Variants in COL27A1 observed in about 807,000 individuals in gnomAD.
COL27A1 encodes collagen type XXVII alpha 1 chain.
In COL27A1, 106 loss-of-function variants were observed where a neutral mutation model predicts 251.3. The ratio of observed to expected loss-of-function variants is 0.42; its 90% confidence interval spans 0.36 to 0.50. COL27A1 has a LOEUF of 0.50. Among genes scored for constraint, COL27A1 ranks in the 20% least tolerant of loss-of-function variants. The probability of loss-of-function intolerance (pLI) is 0.00; values close to 1 mark genes in which losing one functional copy is unlikely to be tolerated. For synonymous variants in COL27A1, 1,000 were observed against 986.3 expected (o/e 1.01, Z -0.26); for missense variants, 2,325 against 2,522.8 (o/e 0.92, Z 1.68).
intron 56 of COL27A1, 72 bp from the exon 57 acceptor site, chr9:114,304,536 T>C (rs1828890007): frequency 1.4e-6 from 2 of 1,422,804 alleles, no homozygotes; most frequent in African/African-American, 2.8e-5. Flanking sequence ...AATGTGGCCC[T>C]GGGGCTCCCA....
chr9:114,264,245 G>A lies in COL27A1; in HGVS notation c.3196-110G>A, dbSNP rs535819244. ...TGGGAAGTGGGAGGAGGAGGGGGCC[G>A]GAGCTTGTGCAGGGGAAGGCCCCAG... On this transcript the variant is annotated intron_variant, in intron 28 of 60. Transcript: ENST00000356083. 239 of 777,142 alleles carry A rather than the reference G, an allele frequency of 3.1e-4. 1 individual carries two copies. Among genetic ancestry groups the A allele is most frequent in the Non-Finnish European group, 4.4e-4 (230 of 519,266 alleles). 48.1% of individuals were successfully genotyped at this position (777,142 alleles called of 1,614,324 possible). A position where few individuals can be genotyped will look rare whatever the true frequency, so the allele number is the denominator to read the frequency against.
intron 34 of COL27A1, 88 bp downstream of exon 34, chr9:114,267,645 C>A (rs929375858): frequency 1.6e-6 from 2 of 1,243,804 alleles, no homozygotes; most frequent in African/African-American, 1.6e-5. Flanking sequence ...GAGAAATGGG[C>A]CTTTCTTGTG....
At chr9:114,235,525 C>T in intron 16 of COL27A1, 74 bp from the exon 17 acceptor site, 1 of 1,146,680 alleles carries the variant, frequency 8.7e-7, no homozygotes, top group African/African-American at 1.5e-5. Flanking sequence ...TGTACCTCGC[C>T]AGGGGGTCTG....
chr9:114,285,462 C>T (rs1033930750), intron 41 of COL27A1, among the ~76,000 whole-genome samples: 1 of 152,166 alleles, frequency 6.6e-6, no homozygotes, highest in Admixed American at 6.5e-5. Flanking sequence ...GTCCTACCTT[C>T]GTCGCCTGAG....
intron 16 of COL27A1, among the ~76,000 whole-genome samples, chr9:114,234,068 G>T (rs1285444215): frequency 6.6e-6 from 1 of 152,074 alleles, no homozygotes; most frequent in Non-Finnish European, 1.5e-5. Context: ...TCTCAGCCTG[G>T]AGAAGCATTC....
At position 114,183,093 on chromosome 9, in the gene COL27A1, A is replaced by G; in HGVS notation, c.2016+18A>G. 6.2e-7 allele frequency: 1 copy of G among 1,610,502 alleles called. No individual in the cohort carries two copies. The highest frequency in any genetic ancestry group is 1.3e-5 in the African/African-American group (1 of 74,846). On this transcript the variant is annotated intron_variant, in intron 5 of 60. Transcript: ENST00000356083. ...GAGCCAAAGTGAGTATTTGCTGGAG[A>G]TGTGGCCATGGAGTGGGTGCTGGGG...
chr9:114,265,788 G>A (rs1175258771), intron 32 of COL27A1, among the ~76,000 whole-genome samples: 7 of 152,210 alleles, frequency 4.6e-5, no homozygotes, highest in Non-Finnish European at 1.0e-4. Context: ...GAGGGAGGGA[G>A]GTGAAGATAA....
intron 5 of COL27A1, among the ~76,000 whole-genome samples, chr9:114,192,276 G>A (rs1436797345): frequency 1.3e-5 from 2 of 152,172 alleles, no homozygotes; most frequent in African/African-American, 4.8e-5. Context: ...GCTGCAGATC[G>A]AGGTGGGCAC....
intron 2 of COL27A1, among the ~76,000 whole-genome samples, chr9:114,163,218 G>A (rs1442531647): frequency 2.2e-5 from 3 of 134,022 alleles, no homozygotes; most frequent in African/African-American, 8.7e-5. Flanking sequence ...TGGCAAGAGA[G>A]CGAGACTCCG....
At chr9:114,199,456 G>A (rs191410413) in intron 7 of COL27A1, among the ~76,000 whole-genome samples, 25 of 151,518 alleles carry the variant, frequency 1.6e-4, no homozygotes, top group East Asian at 3.9e-4. Context: ...CCTGGCCCCC[G>A]CTGTGTAGAA....
intron 1 of COL27A1, among the ~76,000 whole-genome samples, chr9:114,157,106 A>ACG (rs1554782456): frequency 2.0e-5 from 3 of 147,836 alleles, no homozygotes; most frequent in African/African-American, 5.0e-5. Context: ...ACACACACAT[A>ACG]CGCGCGCGCG....
Position 114,209,711 on chromosome 9 carries a change from G to A in COL27A1, c.2305G>A (p.Gly769Arg). The change falls in exon 11 of 61, where the codon GGG becomes AGG. Residue 769 changes from glycine (G) to arginine (R), a missense_variant. By Grantham distance (125) the Gly-to-Arg change is moderately radical. This residue lies in a region of COL27A1 where 1,183 missense variants were observed against 1,144.1 expected (regional missense o/e 1.03). Coordinates refer to ENST00000356083, the MANE Select transcript of COL27A1 (RefSeq NM_032888.4). ...IGLPGLFGLP[G>R]SDGERGLPGV... ...GCTCCCAGGGCTCTTCGGCCTGCCA[G>A]GGTCTGATGGAGAACGAGTAAGTTT... The A allele has an allele frequency of 6.2e-7, 1 of 1,614,194 alleles. No individual in the cohort carries two copies. Among genetic ancestry groups the A allele is most frequent in the Non-Finnish European group, 8.5e-7 (1 of 1,180,010 alleles).
chr9:114,305,507 A>G (rs1588903754), intron 57 of COL27A1, among the ~76,000 whole-genome samples: 1 of 152,056 alleles, frequency 6.6e-6, no homozygotes, highest in African/African-American at 2.4e-5. Context: ...TTTATCAAGC[A>G]CCTCCTACCC....
At chr9:114,176,941 G>A (rs1166191237) in intron 3 of COL27A1, among the ~76,000 whole-genome samples, 1 of 152,198 alleles carries the variant, frequency 6.6e-6, no homozygotes, top group African/African-American at 2.4e-5. Context: ...ACCAGACTGG[G>A]TTTTCAACAC....
At position 114,290,945 on chromosome 9, in the gene COL27A1, A is replaced by G. The variant is rs1444013265; in HGVS notation, c.4476+28A>G. ...CAGATACCTCTTAATACACTTACCC[A>G]CCCTCTGCCCTTTCTGCCTTGATGC... On this transcript the variant is annotated intron_variant, in intron 48 of 60. Transcript: ENST00000356083. This position sits in a 1 kb window ranked among gnomAD's most constrained non-coding sequence, Gnocchi z 4.6. 6.7e-7 allele frequency: 1 copy of G among 1,492,718 alleles called. No homozygotes were observed. Among genetic ancestry groups the G allele is most frequent in the Non-Finnish European group, 9.1e-7 (1 of 1,097,626 alleles). 92.5% of individuals were successfully genotyped at this position (1,492,718 alleles called of 1,614,324 possible).
chr9:114,231,032 C>T (rs1266446067), intron 14 of COL27A1, 47 bp from the exon 15 acceptor site: 1 of 1,574,456 alleles, frequency 6.4e-7, no homozygotes, highest in Non-Finnish European at 8.7e-7. Flanking sequence ...GGCCAGCCTC[C>T]TGTGGGCCAC....
At chr9:114,231,799 T>C (rs761610771) in intron 15 of COL27A1, 23 bp from the exon 16 acceptor site, 2 of 1,614,034 alleles carry the variant, frequency 1.2e-6, no homozygotes, top group Non-Finnish European at 1.7e-6. Flanking sequence ...CCATCACAGC[T>C]GGCCTTGGGC....
chr9:114,179,832 C>CTTTTTTTTT (rs139712391), intron 4 of COL27A1, among the ~76,000 whole-genome samples: 1 of 100,190 alleles, frequency 1.0e-5, no homozygotes, highest in African/African-American at 3.7e-5. Context: ...AGCCTACCAT[C>CTTTTTTTTT]TTTTTTTTTT....
At chr9:114,241,193 T>C (rs1003626868) in intron 21 of COL27A1, among the ~76,000 whole-genome samples, 23 of 152,380 alleles carry the variant, frequency 1.5e-4, no homozygotes, top group South Asian at 1.4e-3. Flanking sequence ...TTTTGCCCTG[T>C]GCACGAGGCC....
Sources: gnomAD v4.1 joint callset for allele counts (sites outside exome capture counted in the v4.1 genomes callset) on GRCh38, gnomAD v4.1.1 for gene constraint, gnomAD v4.1.1 regional missense constraint, Gnocchi (gnomAD v3.1) non-coding constraint, MANE v1.5 for transcripts, NCBI Gene and HGNC (gene_info 2026-07-23, HGNC 2026-07-21) for gene names.